The following ITGB3BP variants were observed in gnomAD, a reference collection of about 807,000 sequenced individuals.
ITGB3BP encodes centromere protein R.
Under a neutral mutation model 29.1 loss-of-function variants are expected in ITGB3BP, and 27 were observed. That is an observed-to-expected ratio of 0.93 (90% confidence interval 0.68 to 1.28). The LOEUF (loss-of-function observed/expected upper bound fraction) is 1.28, where lower values mean the gene tolerates loss of function less well. Ranked by LOEUF, ITGB3BP falls within the 50% of genes most tolerant of loss-of-function variation. The pLI is 0.00. For missense variants in ITGB3BP, 192 were observed against 200.2 expected (o/e 0.96, Z 0.25); for synonymous variants, 61 against 61.4 (o/e 0.99, Z 0.03).
chr1:63,480,469 T>C (rs2036868), intron 3 of ITGB3BP, among the ~76,000 whole-genome samples: 32,462 of 152,060 alleles, frequency 0.21, 4,038 homozygotes, highest in African/African-American at 0.35. Flanking sequence ...TTAAATATAC[T>C]GGCTTTTGAT....
At chr1:63,474,802 CACTTGTTT>C (rs1645301451) in intron 4 of ITGB3BP, among the ~76,000 whole-genome samples, 2 of 151,082 alleles carry the variant, frequency 1.3e-5, no homozygotes, top group African/African-American at 4.9e-5. Flanking sequence ...GACCTTTGTT[CACTTGTTT>C]ATCTGCTGAC....
At chr1:63,453,050 G>T (rs768570222) in intron 7 of ITGB3BP, among the ~76,000 whole-genome samples, 1 of 152,184 alleles carries the variant, frequency 6.6e-6, no homozygotes, top group Non-Finnish European at 1.5e-5. Context: ...ACTGGTCTTT[G>T]GTTGGAATCC....
At chr1:63,494,377 C>T (rs1296111816) in intron 2 of ITGB3BP, among the ~76,000 whole-genome samples, 1 of 152,194 alleles carries the variant, frequency 6.6e-6, no homozygotes, top group Non-Finnish European at 1.5e-5. Flanking sequence ...CCTTGGCTTC[C>T]CAAAGTGCTG....
intron 4 of ITGB3BP, among the ~76,000 whole-genome samples, chr1:63,464,510 T>C (rs1645068584): frequency 6.6e-6 from 1 of 152,146 alleles, no homozygotes; most frequent in Non-Finnish European, 1.5e-5. Flanking sequence ...AATTTTTAAA[T>C]GGCCAACCAG....
Position 63,454,425 on chromosome 1 carries a change from C to T in ITGB3BP, c.382G>A (p.Ala128Thr), listed in dbSNP as rs369943469. ...ATTTCTCTTTTTAAGAAATGTGATG[C>T]ACAGGAGATTCCAATGAGATTTTCA... ...ELENLIGISC[A>T]SHFLKREMQK... Residue 128 changes from alanine (A) to threonine (T), a missense_variant, in exon 6 of 9, where the codon GCA (alanine) becomes ACA (threonine). Coordinates refer to ENST00000271002, the MANE Select transcript of ITGB3BP (RefSeq NM_014288.5). The surrounding 1 kb of genome is among the most constrained non-coding windows in gnomAD (Gnocchi z 4.1). The T allele has an allele frequency of 1.2e-6, 2 of 1,604,632 alleles. No individual in the cohort carries two copies. Among genetic ancestry groups the T allele is most frequent in the African/African-American group, 2.7e-5 (2 of 74,554 alleles).
At chr1:63,524,706 A>G (rs1308123131), upstream of ITGB3BP, among the ~76,000 whole-genome samples, 1 of 152,184 alleles carries the variant, frequency 6.6e-6, no homozygotes, top group Non-Finnish European at 1.5e-5. Flanking sequence ...TACTATATCC[A>G]CATTAACAAA....
At chr1:63,490,274 G>A in intron 2 of ITGB3BP, 56 bp from the exon 3 acceptor site, 1 of 1,255,910 alleles carries the variant, frequency 8.0e-7, no homozygotes, top group Non-Finnish European at 1.1e-6. Flanking sequence ...ATAGATCTTT[G>A]AAATTATATA....
intron 4 of ITGB3BP, among the ~76,000 whole-genome samples, chr1:63,459,712 A>C (rs541067141): frequency 2.0e-5 from 3 of 152,260 alleles, no homozygotes; most frequent in African/African-American, 7.2e-5. Flanking sequence ...TAAATTATTT[A>C]ATTATCCGGG....
chr1:63,445,388 C>T (rs1309572980), intron 8 of ITGB3BP, among the ~76,000 whole-genome samples: 1 of 151,998 alleles, frequency 6.6e-6, no homozygotes, highest in Non-Finnish European at 1.5e-5. Context: ...TTACTACATA[C>T]AACAGAATAA....
intron 1 of ITGB3BP, among the ~76,000 whole-genome samples, chr1:63,520,648 T>C (rs1646424726): frequency 6.6e-6 from 1 of 152,116 alleles, no homozygotes; most frequent in Admixed American, 6.5e-5. Flanking sequence ...TGGATACTAA[T>C]GAAAAAATGT....
At chr1:63,480,601 T>C (rs1645421208) in intron 3 of ITGB3BP, among the ~76,000 whole-genome samples, 1 of 151,910 alleles carries the variant, frequency 6.6e-6, no homozygotes, top group African/African-American at 2.4e-5. Flanking sequence ...TAATAATTCC[T>C]CTCATTGTTA....
intron 4 of ITGB3BP, among the ~76,000 whole-genome samples, chr1:63,460,977 T>A (rs1645006744): frequency 6.6e-6 from 1 of 151,324 alleles, no homozygotes; most frequent in Non-Finnish European, 1.5e-5. Flanking sequence ...CCGTGGCTCA[T>A]GCCTGTAATC....
At chr1:63,494,024 T>C (rs1190210474) in intron 2 of ITGB3BP, among the ~76,000 whole-genome samples, 1 of 152,192 alleles carries the variant, frequency 6.6e-6, no homozygotes, top group Non-Finnish European at 1.5e-5. Flanking sequence ...ATAATTAATA[T>C]GCATTACTAG....
intron 8 of ITGB3BP, among the ~76,000 whole-genome samples, chr1:63,446,313 T>C (rs1309886831): frequency 6.6e-6 from 1 of 152,224 alleles, no homozygotes; most frequent in African/African-American, 2.4e-5. Flanking sequence ...ACACATCATT[T>C]TTACTTGTAT....
upstream of ITGB3BP, among the ~76,000 whole-genome samples, chr1:63,526,025 A>G (rs1557667016): frequency 6.6e-6 from 1 of 152,106 alleles, no homozygotes; most frequent in East Asian, 1.9e-4. Flanking sequence ...TTTAATTCTC[A>G]TTTTGGTGCT....
At chr1:63,459,011 C>T (rs957753680) in intron 4 of ITGB3BP, among the ~76,000 whole-genome samples, 1 of 152,010 alleles carries the variant, frequency 6.6e-6, no homozygotes, top group Non-Finnish European at 1.5e-5. Context: ...ATATGTCTTT[C>T]TCACATGTAA....
chr1:63,493,204 G>C (rs1251008360), intron 2 of ITGB3BP, among the ~76,000 whole-genome samples: 3 of 152,084 alleles, frequency 2.0e-5, no homozygotes, highest in African/African-American at 7.2e-5. Flanking sequence ...TAAATCACTT[G>C]AGGCCGAGTA....
chr1:63,487,618 G>C (rs948687545), intron 3 of ITGB3BP, among the ~76,000 whole-genome samples: 1 of 151,988 alleles, frequency 6.6e-6, no homozygotes, highest in Non-Finnish European at 1.5e-5. Flanking sequence ...ACTGAACACT[G>C]TAGGCAATTG....
chr1:63,508,888 ATGTT>A (rs1646138276), intron 1 of ITGB3BP, among the ~76,000 whole-genome samples: 1 of 152,178 alleles, frequency 6.6e-6, no homozygotes, highest in Non-Finnish European at 1.5e-5. Flanking sequence ...AAAAGTTAGT[ATGTT>A]TGTCTGCTTT....
Sources: gnomAD v4.1 joint callset for allele counts (sites outside exome capture counted in the v4.1 genomes callset) on GRCh38, gnomAD v4.1.1 for gene constraint, Gnocchi (gnomAD v3.1) non-coding constraint, MANE v1.5 for transcripts, NCBI Gene and HGNC (gene_info 2026-07-23, HGNC 2026-07-21) for gene names.